Variants in GOLGA6L9 observed in about 807,000 individuals in gnomAD.
GOLGA6L9 encodes the protein golgin subfamily A member 6-like protein 9.
In GOLGA6L9, 19 loss-of-function variants were observed where a neutral mutation model predicts 51.3. That is an observed-to-expected ratio of 0.37 (90% CI 0.26 to 0.54). The LOEUF is 0.54. Ranked by LOEUF, GOLGA6L9 falls within the 20% of genes least tolerant of loss-of-function variation. The pLI is 0.83. For synonymous variants in GOLGA6L9, 97 were observed against 184.2 expected (o/e 0.53, Z 3.83); for missense variants, 247 against 464.1 (o/e 0.53, Z 4.30).
In GOLGA6L9 at chr15:82,434,590, C is replaced by G; in HGVS notation, c.990C>G (p.Gly330=). 6.5e-7 allele frequency: 1 copy of G among 1,535,436 alleles called. No homozygotes were observed. Among genetic ancestry groups the G allele is most frequent in the Non-Finnish European group, 8.7e-7 (1 of 1,146,984 alleles). The part of the protein sequence containing the change: ...LYEQRAEPRS[G]FEELNNENKS... ...AGCAGCGGGCCGAGCCACGCAGCGG[C>G]TTCGAGGAGCTGGTGCGTTGCCCCA... The change falls in exon 6 of 9, where the codon GGC becomes GGG. Residue 330 remains glycine (G), a synonymous_variant. Coordinates refer to ENST00000618348, the MANE Select transcript of GOLGA6L9 (RefSeq NM_198181.4).
Position 82,434,257 on chromosome 15 carries a change from G to A in GOLGA6L9, c.657G>A (p.Glu219=), listed in dbSNP as rs2031557650. ...AGGAGGAGAGGCTGTGTGAACAGGA[G>A]GAGAGGCTGTGTGAACAGGAGGAGA... ...REQEERLCEQ[E]ERLCEQEERL... is the part of the protein sequence containing the mutation. Residue 219 remains glutamate, a synonymous_variant, in exon 6 of 9, where the codon GAG becomes GAA. Transcript: ENST00000618348. 1.4e-5 allele frequency: 21 copies of A among 1,551,480 alleles called. No individual in the cohort carries two copies. The Admixed American group carries it at 3.6e-4, about 26-fold the overall frequency.
rs1464224168 is a variant in GOLGA6L9, at chr15:82,436,519, T to C, written c.*108T>C. On this transcript the variant is annotated 3_prime_UTR_variant, in exon 9 of 9. Coordinates refer to ENST00000618348, the MANE Select transcript of GOLGA6L9 (RefSeq NM_198181.4). ...TTAGAGCCACTTATGTTTGTGTTTC[T>C]AATTTATAGTTTAAATTTATTTGTG... is the stretch of plus-strand genomic sequence containing the variant. 2.9e-5 allele frequency: 42 copies of C among 1,440,954 alleles called. 1 individual carries two copies. The highest frequency in any genetic ancestry group is 3.6e-5 in the Non-Finnish European group (39 of 1,078,002). The allele number at this position is 1,440,954 out of a possible 1,614,324, so 89.3% of individuals were successfully genotyped here.
At chr15:82,416,976 C>A in the GOLGA6L9 span, among the ~76,000 whole-genome samples, 583 of 152,242 alleles carry the variant, frequency 3.8e-3, 6 homozygotes, top group African/African-American at 0.013. Flanking sequence ...CAGAAAGAAA[C>A]CCCATGCCCA....
At chr15:82,420,817 TTTTTG>T in the GOLGA6L9 span, among the ~76,000 whole-genome samples, 1 of 151,816 alleles carries the variant, frequency 6.6e-6, no homozygotes, top group Non-Finnish European at 1.5e-5. Flanking sequence ...AGAGGGGTTT[TTTTTG>T]TTTTGTTTTG....
the GOLGA6L9 span, chr15:82,418,670 C>G: frequency 6.6e-6 from 1 of 152,124 alleles, no homozygotes; most frequent in Non-Finnish European, 1.5e-5. Flanking sequence ...GTCTTCAGAC[C>G]TAGAAAGGAC....
chr15:82,419,578 A>T, the GOLGA6L9 span, among the ~76,000 whole-genome samples: 1 of 152,096 alleles, frequency 6.6e-6, no homozygotes, highest in Non-Finnish European at 1.5e-5. Context: ...TGAACCCGGG[A>T]GGCAGAGCTT....
the GOLGA6L9 span, among the ~76,000 whole-genome samples, chr15:82,417,904 A>T: frequency 6.6e-6 from 1 of 152,270 alleles, no homozygotes; most frequent in Non-Finnish European, 1.5e-5. Context: ...TTAAGGAGTG[A>T]GAGAGAGATT....
rs2031686894 is a variant in GOLGA6L9, at chr15:82,436,546, T to G, written c.*135T>G. The G allele has an allele frequency of 8.5e-7, 1 of 1,171,886 alleles. No homozygotes were observed. Among genetic ancestry groups the G allele is most frequent in the Admixed American group, 2.8e-5 (1 of 36,210 alleles). 72.6% of individuals were successfully genotyped at this position (1,171,886 alleles called of 1,614,324 possible). A position where few individuals can be genotyped will look rare whatever the true frequency, so the allele number is the denominator to read the frequency against. On this transcript the variant is annotated 3_prime_UTR_variant, in exon 9 of 9. Coordinates refer to ENST00000618348, the MANE Select transcript of GOLGA6L9 (RefSeq NM_198181.4). ...ATTTATAGTTTAAATTTATTTGTGT[T>G]TCTAATTTATAGTTTAAATTTATTT...
chr15:82,420,719 T>C, the GOLGA6L9 span, among the ~76,000 whole-genome samples: 1 of 152,008 alleles, frequency 6.6e-6, no homozygotes, highest in African/African-American at 2.4e-5. Flanking sequence ...GGCAGAAGGA[T>C]GTTGGAGGCT....
chr15:82,429,871 A>T lies in GOLGA6L9; in HGVS notation c.-209A>T, dbSNP rs2031346529. On this transcript the variant is annotated 5_prime_UTR_variant, in exon 1 of 9. The change abolishes an upstream ATG in the 5' untranslated region. Coordinates refer to ENST00000618348, the MANE Select transcript of GOLGA6L9 (RefSeq NM_198181.4). ...AGCGGTTGCATGGGCAGCTTTCCTTATGATGCTACAGGTCCCTCTGGACAT... is the reference window on the plus strand; with the variant it reads ...AGCGGTTGCATGGGCAGCTTTCCTTTTGATGCTACAGGTCCCTCTGGACAT... 1.3e-6 allele frequency: 1 copy of T among 741,598 alleles called. No individual in the cohort carries two copies. The allele number at this position is 741,598 out of a possible 1,614,324, so 45.9% of individuals were successfully genotyped here. A position where few individuals can be genotyped will look rare whatever the true frequency, so the allele number is the denominator to read the frequency against.
Position 82,437,849 on chromosome 15 carries a change from G to GTC in GOLGA6L9, c.*1440_*1441dup, listed in dbSNP as rs1277313767. ...AATGTCAAAGTGTCATGAGGAAAGTGTCTATACAATCACAGAGTTATATTT... is the reference window on the plus strand; with the variant it reads ...AATGTCAAAGTGTCATGAGGAAAGTGTCTCTATACAATCACAGAGTTATATTT... On this transcript the variant is annotated 3_prime_UTR_variant, in exon 9 of 9. Coordinates refer to ENST00000618348, the MANE Select transcript of GOLGA6L9 (RefSeq NM_198181.4). The GTC allele has an allele frequency of 6.6e-6, 1 of 151,202 alleles. No individual in the cohort carries two copies. Among genetic ancestry groups the GTC allele is most frequent in the Non-Finnish European group, 1.5e-5 (1 of 67,802 alleles). 9.4% of individuals were successfully genotyped at this position (151,202 alleles called of 1,614,324 possible).
At chr15:82,427,435 C>A (rs2031233681), upstream of GOLGA6L9, among the ~76,000 whole-genome samples, 1 of 149,712 alleles carries the variant, frequency 6.7e-6, no homozygotes, top group Admixed American at 6.7e-5. Context: ...TTCTTTCTTT[C>A]TTTCACTAGC....
Position 82,429,887 on chromosome 15 carries a change from C to T in GOLGA6L9, c.-193C>T. 1 of 765,746 alleles carries T rather than the reference C, an allele frequency of 1.3e-6. No individual in the cohort carries two copies. Among genetic ancestry groups the T allele is most frequent in the Non-Finnish European group, 2.3e-6 (1 of 430,638 alleles). 47.4% of individuals were successfully genotyped at this position (765,746 alleles called of 1,614,324 possible). ...GCTTTCCTTATGATGCTACAGGTCC[C>T]TCTGGACATGCTGCGCCTGGCCACG... is the stretch of plus-strand genomic sequence containing the variant. On this transcript the variant is annotated 5_prime_UTR_variant, in exon 1 of 9. Transcript: ENST00000618348.
upstream of GOLGA6L9, among the ~76,000 whole-genome samples, chr15:82,429,119 G>T (rs2031302583): frequency 6.6e-6 from 1 of 151,268 alleles, no homozygotes; most frequent in Non-Finnish European, 1.5e-5. Context: ...CTGTCACCCA[G>T]GCTGGAGTGC....
rs1236486138 is a variant in GOLGA6L9, at chr15:82,436,476, A to G, written c.*65A>G. On this transcript the variant is annotated 3_prime_UTR_variant, in exon 9 of 9. Coordinates refer to ENST00000618348, the MANE Select transcript of GOLGA6L9 (RefSeq NM_198181.4). ...AAGGGGTTAATATCCTACACAATTC[A>G]TTTACTTCATTTGAATGTTAGAGCC... 3.3e-5 allele frequency: 51 copies of G among 1,537,360 alleles called. 3 individuals are homozygous for G. Among genetic ancestry groups the G allele is most frequent in the Non-Finnish European group, 4.3e-5 (49 of 1,137,880 alleles).
In GOLGA6L9 at chr15:82,429,817, C is replaced by T. The variant is rs1419636462; in HGVS notation, c.-263C>T. Among the ~76,000 whole-genome samples, 2 of 152,096 alleles carry T rather than the reference C, an allele frequency of 1.3e-5. No individual in the cohort carries two copies. Among genetic ancestry groups the T allele is most frequent in the African/African-American group, 4.8e-5 (2 of 41,382 alleles). ...CCTCCCCTCTCCCAGAGTGGGCGGC[C>T]TCTCCCCTCTCTCTGAGTGGGCGGG... is the stretch of plus-strand genomic sequence containing the variant. On this transcript the variant is annotated 5_prime_UTR_variant, in exon 1 of 9. Coordinates refer to ENST00000618348, the MANE Select transcript of GOLGA6L9 (RefSeq NM_198181.4).
rs2031772827 is a variant in GOLGA6L9, at chr15:82,438,078, GT to G, written c.*1668del. The G allele has an allele frequency of 1.3e-5, 2 of 149,820 alleles. No individual in the cohort carries two copies. Among genetic ancestry groups the G allele is most frequent in the African/African-American group, 4.9e-5 (2 of 40,480 alleles). 9.3% of individuals were successfully genotyped at this position (149,820 alleles called of 1,614,324 possible). On this transcript the variant is annotated 3_prime_UTR_variant, in exon 9 of 9. Transcript: ENST00000618348. ...ATTTTAAACCCTCAGGCTAGAAATC[GT>G]ACCACTGTTAATTAGCCACATTATT... is the stretch of plus-strand genomic sequence containing the variant.
Position 82,438,350 on chromosome 15 carries a change from A to T in GOLGA6L9, c.*1939A>T, listed in dbSNP as rs1468252801. ...TGTCAGTCTGAAAAATAAATGTACT[A>T]TATTAACTCAAATACCACTCTCTGT... On this transcript the variant is annotated 3_prime_UTR_variant, in exon 9 of 9. Coordinates refer to ENST00000618348, the MANE Select transcript of GOLGA6L9 (RefSeq NM_198181.4). The T allele has an allele frequency of 6.6e-6, 1 of 151,206 alleles. No homozygotes were observed. Among genetic ancestry groups the T allele is most frequent in the African/African-American group, 2.4e-5 (1 of 41,188 alleles). The allele number at this position is 151,206 out of a possible 1,614,324, so 9.4% of individuals were successfully genotyped here. A position where few individuals can be genotyped will look rare whatever the true frequency, so the allele number is the denominator to read the frequency against.
At chr15:82,418,081 A>G in the GOLGA6L9 span, among the ~76,000 whole-genome samples, 1 of 152,202 alleles carries the variant, frequency 6.6e-6, no homozygotes, top group Non-Finnish European at 1.5e-5. Flanking sequence ...TGGGAAAGAC[A>G]CTTGCTTGGA....
Sources: allele counts gnomAD v4.1 joint callset (sites outside exome capture counted in the v4.1 genomes callset), GRCh38; gene constraint gnomAD v4.1.1; transcripts MANE v1.5; gene names NCBI Gene and HGNC (gene_info 2026-07-23, HGNC 2026-07-21).